Variants in TENM4 observed in about 807,000 individuals in gnomAD.
TENM4 encodes teneurin transmembrane protein 4.
TENM4 carries 82 observed loss-of-function variants against 243.3 expected under a neutral mutation model. The observed-to-expected ratio is 0.34, with a 90% CI of 0.28 to 0.40. The LOEUF is 0.40. Ranked by LOEUF, TENM4 falls within the 10% of genes least tolerant of loss-of-function variation. TENM4 has a pLI of 1.00. For synonymous variants in TENM4, 1,412 were observed against 1,456.3 expected (o/e 0.97, Z 0.69); for missense variants, 3,138 against 3,673.3 (o/e 0.85, Z 3.77).
chr11:78,982,996 C>A (rs1857836094), intron 6 of TENM4, among the ~76,000 whole-genome samples: 1 of 152,204 alleles, frequency 6.6e-6, no homozygotes. Context: ...TGTGACCTTT[C>A]CCGAGGCACT....
chr11:78,831,854 T>C (rs1376358892), intron 12 of TENM4, among the ~76,000 whole-genome samples: 2 of 152,228 alleles, frequency 1.3e-5, no homozygotes, highest in African/African-American at 2.4e-5. Context: ...CTGTTGGAAC[T>C]ACAGGTCTGG....
intron 7 of TENM4, 136 bp downstream of exon 7, chr11:78,903,132 C>A: frequency 7.7e-7 from 1 of 1,291,616 alleles, no homozygotes; most frequent in Non-Finnish European, 1.0e-6. Context: ...AACCGCATCC[C>A]TAAACCGTGC....
At chr11:79,388,793 G>T (rs1376456836) in intron 1 of TENM4, among the ~76,000 whole-genome samples, 2 of 152,200 alleles carry the variant, frequency 1.3e-5, no homozygotes. Context: ...GCATGCTAAA[G>T]CATGACAAAA....
At chr11:78,912,672 G>A (rs948813693) in intron 6 of TENM4, among the ~76,000 whole-genome samples, 1 of 152,208 alleles carries the variant, frequency 6.6e-6, no homozygotes, top group Non-Finnish European at 1.5e-5. Context: ...GGATAGGACT[G>A]GGGGAGAGTG....
intron 1 of TENM4, among the ~76,000 whole-genome samples, chr11:79,330,042 G>C (rs1245024614): frequency 6.6e-6 from 1 of 152,182 alleles, no homozygotes; most frequent in African/African-American, 2.4e-5. Flanking sequence ...TCCGGGCAAT[G>C]GTGTGTTGTT....
At chr11:79,001,822 G>T (rs1178544032) in intron 6 of TENM4, among the ~76,000 whole-genome samples, 2 of 152,108 alleles carry the variant, frequency 1.3e-5, no homozygotes, top group Non-Finnish European at 2.9e-5. Context: ...CATCCTGGGG[G>T]CTCTCACCAT....
At chr11:78,980,016 C>T (rs868451951) in intron 6 of TENM4, among the ~76,000 whole-genome samples, 3 of 152,126 alleles carry the variant, frequency 2.0e-5, no homozygotes, top group Non-Finnish European at 4.4e-5. Context: ...GTTACCATCA[C>T]CCCCATTTAG....
chr11:79,116,216 G>A (rs949503774), intron 4 of TENM4, among the ~76,000 whole-genome samples: 11 of 152,150 alleles, frequency 7.2e-5, no homozygotes, highest in African/African-American at 2.7e-4. Flanking sequence ...ATCATAAATG[G>A]CATTTCTCAC....
chr11:79,129,158 C>G (rs145422149), intron 4 of TENM4, among the ~76,000 whole-genome samples: 7 of 152,150 alleles, frequency 4.6e-5, no homozygotes, highest in Admixed American at 4.6e-4. Context: ...TGGAACTAAG[C>G]CAATTTAGAG....
At chr11:78,891,993 C>T (rs1198286836) in intron 7 of TENM4, among the ~76,000 whole-genome samples, 6 of 152,178 alleles carry the variant, frequency 3.9e-5, no homozygotes, top group Admixed American at 3.9e-4. Context: ...GCCTGAGGAT[C>T]TGTATTTCTC....
At position 78,862,958 on chromosome 11, in the gene TENM4, C is replaced by T. The variant is rs116335938; in HGVS notation, c.1255+4G>A. On this transcript the variant is annotated splice_donor_region_variant and intron_variant, in intron 10 of 33. Transcript: ENST00000278550. ...TCACAACACGGACAACGCAGCAACC[C>T]TACCTTCTGTGGTTCCTTTGCCTTT... The T allele has an allele frequency of 7.9e-4, 1,142 of 1,454,664 alleles. 6 individuals carry two copies. In the African/African-American group the frequency reaches 0.014, roughly 18 times the overall value. 90.1% of individuals were successfully genotyped at this position (1,454,664 alleles called of 1,614,324 possible). A position where few individuals can be genotyped will look rare whatever the true frequency, so the allele number is the denominator to read the frequency against.
At chr11:79,059,674 A>T (rs187505079) in intron 6 of TENM4, among the ~76,000 whole-genome samples, 1 of 152,300 alleles carries the variant, frequency 6.6e-6, no homozygotes, top group East Asian at 1.9e-4. Flanking sequence ...ATGGTTGTGC[A>T]TCCATTACTC....
intron 3 of TENM4, among the ~76,000 whole-genome samples, chr11:79,192,363 T>G (rs955961144): frequency 8.5e-5 from 13 of 152,164 alleles, no homozygotes; most frequent in Non-Finnish European, 1.9e-4. Context: ...AATCGGATGG[T>G]TGCCGTGTCT....
Position 78,854,439 on chromosome 11 carries a change from C to T in TENM4, c.1471-125G>A, listed in dbSNP as rs1858623950. 4 of 846,708 alleles carry T rather than the reference C, an allele frequency of 4.7e-6. No homozygotes were observed. The South Asian group carries it at 1.1e-4, about 24-fold the overall frequency. 52.4% of individuals were successfully genotyped at this position (846,708 alleles called of 1,614,324 possible). On this transcript the variant is annotated intron_variant, in intron 11 of 33. Transcript: ENST00000278550. ...TAGAGGCAAAAAGGGCCCAAAGAGGCTAAGGGTGCAGGAAGGTTGATCAAT... is the reference window on the plus strand; with the variant it reads ...TAGAGGCAAAAAGGGCCCAAAGAGGTTAAGGGTGCAGGAAGGTTGATCAAT...
At position 78,863,096 on chromosome 11, in the gene TENM4, G is replaced by A. The variant is rs1299225763; in HGVS notation, c.1121C>T (p.Pro374Leu). ...HLFGLNWHLQ[P>L]MEGQMYEITE... The stretch of plus-strand genomic sequence containing the variant: ...GATCTCATACATCTGCCCCTCCATC[G>A]GCTGCAGGTGCCAGTTTAGGCCAAA... The change falls in exon 10 of 34, where the codon CCG becomes CTG. Residue 374 changes from proline (P) to leucine (L), a missense_variant. Coordinates refer to ENST00000278550, the MANE Select transcript of TENM4 (RefSeq NM_001098816.3). 4.3e-5 allele frequency: 66 copies of A among 1,530,616 alleles called. 1 individual carries two copies. Among genetic ancestry groups the A allele is most frequent in the Non-Finnish European group, 5.3e-5 (60 of 1,131,570 alleles). 94.8% of individuals were successfully genotyped at this position (1,530,616 alleles called of 1,614,324 possible).
At chr11:79,056,928 G>A (rs1200384137) in intron 6 of TENM4, among the ~76,000 whole-genome samples, 1 of 152,222 alleles carries the variant, frequency 6.6e-6, no homozygotes, top group Non-Finnish European at 1.5e-5. Context: ...AGCCATTTTG[G>A]TCACAGAATT....
intron 15 of TENM4, among the ~76,000 whole-genome samples, chr11:78,799,313 G>C (rs1347262100): frequency 6.6e-6 from 1 of 152,200 alleles, no homozygotes; most frequent in African/African-American, 2.4e-5. Flanking sequence ...AAAGGGGATG[G>C]TAGAGAGATT....
chr11:79,309,968 C>G (rs1339411076), intron 1 of TENM4, among the ~76,000 whole-genome samples: 1 of 152,164 alleles, frequency 6.6e-6, no homozygotes, highest in East Asian at 1.9e-4. Context: ...CCTGTCCTGA[C>G]CCTTCCAGGC....
intron 15 of TENM4, among the ~76,000 whole-genome samples, chr11:78,799,109 T>C (rs901863928): frequency 1.2e-4 from 18 of 151,998 alleles, no homozygotes; most frequent in African/African-American, 4.1e-4. Context: ...TCTGAGGAGG[T>C]TGTGCTCTTC....
Sources: allele counts gnomAD v4.1 joint callset (sites outside exome capture counted in the v4.1 genomes callset), GRCh38; gene constraint gnomAD v4.1.1; transcripts MANE v1.5; gene names NCBI Gene and HGNC (gene_info 2026-07-23, HGNC 2026-07-21).